The following DYTN variants were observed in gnomAD, a reference collection of about 807,000 sequenced individuals.
DYTN encodes the protein dystrotelin.
A neutral mutation model predicts 69.6 loss-of-function variants in DYTN; 75 were observed. That is an observed-to-expected ratio of 1.08 (90% CI 0.89 to 1.31). The LOEUF is 1.31. Ranked by LOEUF, DYTN falls within the 50% of genes most tolerant of loss-of-function variation. The pLI, the probability that DYTN is intolerant of heterozygous loss-of-function variation, is 0.00. For missense variants in DYTN, 726 were observed against 688.4 expected, an observed-to-expected ratio of 1.05 and a Z score of -0.61; for synonymous variants, 252 against 249.1, an observed-to-expected ratio of 1.01 and a Z score of -0.11.
intron 1 of DYTN, among the ~76,000 whole-genome samples, chr2:206,714,087 G>C (rs1460538850): frequency 1.3e-5 from 2 of 152,240 alleles, no homozygotes; most frequent in Non-Finnish European, 2.9e-5. Context: ...CTTGCAGCAA[G>C]GGGAGAATTT....
chr2:206,693,909 A>G (rs1383983265), intron 8 of DYTN, among the ~76,000 whole-genome samples: 1 of 152,224 alleles, frequency 6.6e-6, no homozygotes, highest in Non-Finnish European at 1.5e-5. Flanking sequence ...CTAGGAAGGT[A>G]GATCCTAGGC....
At chr2:206,694,705 A>T in intron 8 of DYTN, 61 bp downstream of exon 8, 1 of 1,359,760 alleles carries the variant, frequency 7.4e-7, no homozygotes, top group East Asian at 2.5e-5. Context: ...AGGTTTTTTC[A>T]TGGCTATAGC....
intron 9 of DYTN, among the ~76,000 whole-genome samples, chr2:206,681,245 G>C (rs549497161): frequency 1.3e-5 from 2 of 152,300 alleles, no homozygotes; most frequent in East Asian, 3.9e-4. Context: ...CTTTGCTGAG[G>C]TTGCTTATCA....
At chr2:206,701,067 A>C (rs377495139) in intron 5 of DYTN, 1 of 152,298 alleles carries the variant, frequency 6.6e-6, no homozygotes, top group African/African-American at 2.4e-5. Context: ...ACATATTTTT[A>C]AGACTATTCA....
chr2:206,670,567 GAAGGAAGAAATAAAAAAAT>G (rs1260481472), intron 9 of DYTN: 1 of 151,958 alleles, frequency 6.6e-6, no homozygotes, highest in Non-Finnish European at 1.5e-5. Flanking sequence ...ATGGTCTAGA[GAAGGAAGAAATAAAAAAAT>G]AAGTTTTTGG....
intron 9 of DYTN, among the ~76,000 whole-genome samples, chr2:206,692,537 T>A (rs913722103): frequency 4.6e-5 from 7 of 152,184 alleles, no homozygotes; most frequent in Non-Finnish European, 7.3e-5. Flanking sequence ...CATAAAAATA[T>A]TTAGATAAAT....
chr2:206,671,402 G>A (rs573624667), intron 9 of DYTN, among the ~76,000 whole-genome samples: 6 of 152,330 alleles, frequency 3.9e-5, no homozygotes, highest in South Asian at 2.1e-4. Flanking sequence ...TGTGCCCTTT[G>A]CAGCCCCTTT....
chr2:206,674,783 G>T (rs544417395), intron 9 of DYTN, among the ~76,000 whole-genome samples: 131 of 151,770 alleles, frequency 8.6e-4, no homozygotes, highest in African/African-American at 2.9e-3. Context: ...CTTCCAATAA[G>T]AAAAAAATGT....
chr2:206,661,300 C>T (rs1699508838), intron 11 of DYTN, among the ~76,000 whole-genome samples: 1 of 152,198 alleles, frequency 6.6e-6, no homozygotes, highest in Admixed American at 6.5e-5. Flanking sequence ...AATACGCCAA[C>T]TCAGAAATAT....
rs746056527 is a variant in DYTN at position 206,700,222 on chromosome 2, A to G, written c.484-6T>C. The G allele has an allele frequency of 2.9e-5, 46 of 1,613,728 alleles. No individual in the cohort carries two copies. Among genetic ancestry groups the G allele is most frequent in the Non-Finnish European group, 1.7e-6 (2 of 1,179,752 alleles). On this transcript the variant is annotated splice_polypyrimidine_tract_variant and splice_region_variant and intron_variant, in intron 5 of 11. Coordinates refer to ENST00000452335, the MANE Select transcript of DYTN (RefSeq NM_001093730.1). ...TCTCCCACGAAAGTTGGGATCTGCA[A>G]GAGACAACCTCATCTTAGCTGTTAG... is the stretch of plus-strand genomic sequence containing the variant.
chr2:206,683,124 T>C (rs868677293), intron 9 of DYTN, among the ~76,000 whole-genome samples: 4 of 152,054 alleles, frequency 2.6e-5, no homozygotes, highest in African/African-American at 4.8e-5. Context: ...GTAATAGAAA[T>C]ATTGGAAAAA....
chr2:206,684,522 A>G (rs927200103), intron 9 of DYTN, among the ~76,000 whole-genome samples: 23 of 152,156 alleles, frequency 1.5e-4, no homozygotes, highest in African/African-American at 5.6e-4. Flanking sequence ...CCATGCTGGT[A>G]TCAAATTCCT....
At chr2:206,694,370 A>G (rs1699897131) in intron 8 of DYTN, among the ~76,000 whole-genome samples, 1 of 152,240 alleles carries the variant, frequency 6.6e-6, no homozygotes, top group South Asian at 2.1e-4. Flanking sequence ...ATGTTAAAAA[A>G]GAAAAATTCT....
chr2:206,711,166 A>C (rs909966267), intron 1 of DYTN, among the ~76,000 whole-genome samples: 1 of 152,220 alleles, frequency 6.6e-6, no homozygotes, highest in Non-Finnish European at 1.5e-5. Flanking sequence ...GAGTGCTTGA[A>C]TTATTAGTGT....
chr2:206,693,412 AG>A, intron 8 of DYTN, 89 bp from the exon 9 acceptor site: 1 of 1,487,780 alleles, frequency 6.7e-7, no homozygotes, highest in Middle Eastern at 1.8e-4. Flanking sequence ...CCACCATGAA[AG>A]TTTTTGGAAT....
chr2:206,671,324 A>G (rs968886884), intron 9 of DYTN, among the ~76,000 whole-genome samples: 1 of 152,206 alleles, frequency 6.6e-6, no homozygotes, highest in African/African-American at 2.4e-5. Context: ...CTGAAAAAGC[A>G]AAAGGGCAGT....
chr2:206,695,998 G>A (rs916935438), intron 7 of DYTN, among the ~76,000 whole-genome samples: 3 of 152,144 alleles, frequency 2.0e-5, no homozygotes, highest in African/African-American at 4.8e-5. Context: ...CATATCTTGC[G>A]GCAAAACTTT....
chr2:206,687,406 T>A (rs1699823259), intron 9 of DYTN: 1 of 152,236 alleles, frequency 6.6e-6, no homozygotes, highest in South Asian at 2.1e-4. Flanking sequence ...TGACCTCACA[T>A]CAAGTTTTTC....
At chr2:206,660,330 A>C (rs961019510) in intron 11 of DYTN, among the ~76,000 whole-genome samples, 89 of 152,286 alleles carry the variant, frequency 5.8e-4, no homozygotes, top group African/African-American at 2.0e-3. Context: ...TTTTAGCTTT[A>C]AGTATTAAAC....
Sources: gnomAD v4.1 joint callset for allele counts (sites outside exome capture counted in the v4.1 genomes callset) on GRCh38, gnomAD v4.1.1 for gene constraint, MANE v1.5 for transcripts, NCBI Gene and HGNC (gene_info 2026-07-23, HGNC 2026-07-21) for gene names.